The following SYNPR variants were observed in gnomAD, a reference collection of about 807,000 sequenced individuals.
SYNPR encodes the protein synaptoporin.
In SYNPR, 23 loss-of-function variants were observed where a neutral mutation model predicts 32.9. The ratio of observed to expected loss-of-function variants is 0.70; its 90% CI spans 0.50 to 0.99. SYNPR has a LOEUF of 0.99. Among genes scored for constraint, SYNPR ranks in the 50% least tolerant of loss-of-function variants. The pLI is 0.00. For synonymous variants in SYNPR, 146 were observed against 135.9 expected, an observed-to-expected ratio of 1.07 and a Z score of -0.52; for missense variants, 318 against 349.3, an observed-to-expected ratio of 0.91 and a Z score of 0.71.
chr3:63,489,301 A>G (rs960524459), intron 3 of SYNPR, among the ~76,000 whole-genome samples: 1 of 152,176 alleles, frequency 6.6e-6, no homozygotes, highest in Admixed American at 6.5e-5. Context: ...CCAATTGGTC[A>G]CTGGCCAAAA....
intron 2 of SYNPR, among the ~76,000 whole-genome samples, chr3:63,254,098 C>T (rs548233544): frequency 1.6e-4 from 25 of 152,176 alleles, no homozygotes; most frequent in South Asian, 6.2e-4. Context: ...TGTTCTCACT[C>T]ATAGGTGGGA....
intron 3 of SYNPR, among the ~76,000 whole-genome samples, chr3:63,502,579 A>AC (rs1361611635): frequency 2.0e-5 from 3 of 152,152 alleles, no homozygotes; most frequent in South Asian, 4.2e-4. Flanking sequence ...ACCTCTGACA[A>AC]CCATTGATGC....
chr3:63,424,050 A>T (rs1180330238), intron 2 of SYNPR, among the ~76,000 whole-genome samples: 1 of 152,210 alleles, frequency 6.6e-6, no homozygotes, highest in African/African-American at 2.4e-5. Context: ...ATCTTGAGTA[A>T]GATTCTAAAA....
chr3:63,432,004 A>T (rs1700005435), intron 2 of SYNPR, among the ~76,000 whole-genome samples: 1 of 152,104 alleles, frequency 6.6e-6, no homozygotes. Flanking sequence ...TCAGGCTGTG[A>T]AGAGGGATAG....
chr3:63,202,843 T>C, the SYNPR span, among the ~76,000 whole-genome samples: 1 of 151,918 alleles, frequency 6.6e-6, no homozygotes, highest in Non-Finnish European at 1.5e-5. Context: ...AAAATTTACT[T>C]GACCATGGAA....
chr3:63,495,829 G>T (rs923170549), intron 3 of SYNPR, among the ~76,000 whole-genome samples: 5 of 152,054 alleles, frequency 3.3e-5, no homozygotes, highest in Admixed American at 1.3e-4. Context: ...TGGAGCACAG[G>T]ATTTTTTTAA....
At chr3:63,593,541 G>A (rs568482635) in intron 4 of SYNPR, among the ~76,000 whole-genome samples, 2 of 152,232 alleles carry the variant, frequency 1.3e-5, no homozygotes, top group South Asian at 4.1e-4. Flanking sequence ...GAAGGTATCT[G>A]TTCTACAGCT....
chr3:63,393,100 A>T (rs1032853142), intron 2 of SYNPR, among the ~76,000 whole-genome samples: 4 of 152,164 alleles, frequency 2.6e-5, no homozygotes, highest in Non-Finnish European at 4.4e-5. Context: ...TGAAAAATAT[A>T]TTTTCTTTAT....
At chr3:63,240,953 G>A (rs1366002212) in intron 1 of SYNPR, among the ~76,000 whole-genome samples, 3 of 151,930 alleles carry the variant, frequency 2.0e-5, no homozygotes, top group Non-Finnish European at 2.9e-5. Flanking sequence ...TTTTGACAGC[G>A]CCATGGAACA....
intron 4 of SYNPR, among the ~76,000 whole-genome samples, chr3:63,582,771 C>T (rs1311968838): frequency 1.3e-5 from 2 of 151,964 alleles, no homozygotes; most frequent in Non-Finnish European, 2.9e-5. Context: ...GCATTTGTGC[C>T]CCGGTTCTAC....
At chr3:63,313,027 A>ATT (rs2086984435) in intron 2 of SYNPR, among the ~76,000 whole-genome samples, 1 of 151,956 alleles carries the variant, frequency 6.6e-6, no homozygotes, top group South Asian at 2.1e-4. Flanking sequence ...TTCCTTTGTT[A>ATT]TTGCCTGGTT....
chr3:63,333,077 T>C (rs1375532509), intron 2 of SYNPR, among the ~76,000 whole-genome samples: 1 of 152,172 alleles, frequency 6.6e-6, no homozygotes, highest in Non-Finnish European at 1.5e-5. Flanking sequence ...AGTCATATCC[T>C]AAAAACAGCA....
intron 2 of SYNPR, among the ~76,000 whole-genome samples, chr3:63,283,870 C>T (rs908498003): frequency 5.2e-5 from 7 of 134,472 alleles, no homozygotes; most frequent in Non-Finnish European, 1.5e-5. Flanking sequence ...CAGGCTGGAG[C>T]GCAATGGCGC....
At chr3:63,479,472 G>A (rs1046914511) in intron 2 of SYNPR, among the ~76,000 whole-genome samples, 5 of 126,986 alleles carry the variant, frequency 3.9e-5, no homozygotes, top group Non-Finnish European at 8.7e-5. Context: ...ACACACACAC[G>A]TGACTCACAA....
intron 2 of SYNPR, among the ~76,000 whole-genome samples, chr3:63,457,352 C>A (rs1036171927): frequency 6.6e-6 from 1 of 152,012 alleles, no homozygotes; most frequent in Non-Finnish European, 1.5e-5. Flanking sequence ...TTATAATGAT[C>A]CTTTTTTTAT....
chr3:63,570,278 T>G (rs182930584), intron 4 of SYNPR, among the ~76,000 whole-genome samples: 2 of 152,300 alleles, frequency 1.3e-5, no homozygotes, highest in Non-Finnish European at 2.9e-5. Flanking sequence ...ACACTCCCTG[T>G]GGAATGGTCT....
At chr3:63,599,284 C>G (rs776954494) in intron 4 of SYNPR, among the ~76,000 whole-genome samples, 9 of 152,162 alleles carry the variant, frequency 5.9e-5, no homozygotes, top group Non-Finnish European at 1.0e-4. Context: ...ATAAAGTCTA[C>G]AGTAGTGCAC....
At position 63,609,196 on chromosome 3, in the gene SYNPR, TGAC is replaced by T; in HGVS notation, c.482_484del (p.Asp161del). The T allele has an allele frequency of 6.2e-7, 1 of 1,611,222 alleles. No individual in the cohort carries two copies. Among genetic ancestry groups the T allele is most frequent in the Non-Finnish European group, 8.5e-7 (1 of 1,178,688 alleles). The stretch of plus-strand genomic sequence containing the variant: ...CATCAGCTTGGGCAAAAGGACTGTC[TGAC>T]GTCAAAGTTGCAACGGATCCCAAGG... On this transcript the variant is annotated inframe_deletion, in exon 5 of 6. Coordinates refer to ENST00000478300, the MANE Select transcript of SYNPR (RefSeq NM_001130003.2).
intron 3 of SYNPR, among the ~76,000 whole-genome samples, chr3:63,532,265 T>C (rs2106790492): frequency 6.6e-6 from 1 of 152,272 alleles, no homozygotes; most frequent in Non-Finnish European, 1.5e-5. Flanking sequence ...GAAGGCATTG[T>C]CACCTAGCTA....
Sources: gnomAD v4.1 joint callset for allele counts (sites outside exome capture counted in the v4.1 genomes callset) on GRCh38, gnomAD v4.1.1 for gene constraint, MANE v1.5 for transcripts, NCBI Gene and HGNC (gene_info 2026-07-23, HGNC 2026-07-21) for gene names.